ARPP21: variants seen among roughly 807,000 people sequenced by gnomAD.
ARPP21 encodes the protein cAMP regulated phosphoprotein 21, also known as cAMP-regulated phosphoprotein 21.
Under a neutral mutation model 113.2 loss-of-function variants are expected in ARPP21, and 69 were observed. The observed-to-expected ratio is 0.61, with a 90% CI of 0.50 to 0.74. The LOEUF is 0.74. Among genes scored for constraint, ARPP21 ranks in the 30% least tolerant of loss-of-function variants. ARPP21 has a pLI of 0.00. For synonymous variants in ARPP21, 368 were observed against 375.5 expected (o/e 0.98, Z 0.23); for missense variants, 1,070 against 1,037.4 (o/e 1.03, Z -0.43).
intron 11 of ARPP21, among the ~76,000 whole-genome samples, chr3:35,711,616 A>C (rs1219038988): frequency 6.6e-6 from 1 of 152,170 alleles, no homozygotes; most frequent in African/African-American, 2.4e-5. Context: ...TCTAGCTCAG[A>C]GTCTTACATG....
chr3:35,688,870 C>T (rs1342724820), intron 6 of ARPP21, among the ~76,000 whole-genome samples: 4 of 139,614 alleles, frequency 2.9e-5, no homozygotes, highest in African/African-American at 8.0e-5. Context: ...AGTCTCATAA[C>T]AGAACATTCA....
chr3:35,657,003 CA>C (rs893041642), intron 1 of ARPP21, among the ~76,000 whole-genome samples: 1 of 151,810 alleles, frequency 6.6e-6, no homozygotes, highest in Admixed American at 6.6e-5. Context: ...CCATTTTTTC[CA>C]GGCAGAGATC....
At chr3:35,739,220 C>T (rs2094524717) in intron 17 of ARPP21, 97 bp from the exon 18 acceptor site, 3 of 1,409,998 alleles carry the variant, frequency 2.1e-6, no homozygotes, top group Non-Finnish European at 2.9e-6. Flanking sequence ...CTGTCTCTCC[C>T]ACAACTCCAA....
At chr3:35,670,660 A>G (rs2076108001) in intron 1 of ARPP21, among the ~76,000 whole-genome samples, 1 of 152,060 alleles carries the variant, frequency 6.6e-6, no homozygotes, top group Admixed American at 6.6e-5. Flanking sequence ...CCTGCCACAA[A>G]CAAACACACG....
chr3:35,760,927 A>G (rs1449694497), intron 19 of ARPP21, among the ~76,000 whole-genome samples: 1 of 152,096 alleles, frequency 6.6e-6, no homozygotes, highest in African/African-American at 2.4e-5. Flanking sequence ...AAGACTACTC[A>G]GTTTTTGTGG....
intron 1 of ARPP21, among the ~76,000 whole-genome samples, chr3:35,673,366 C>A (rs767869420): frequency 3.6e-4 from 55 of 152,008 alleles, no homozygotes; most frequent in Admixed American, 7.2e-4. Context: ...CATTCTTTTG[C>A]GCCCCTAGAA....
intron 11 of ARPP21, among the ~76,000 whole-genome samples, chr3:35,710,912 T>C (rs149372423): frequency 4.6e-5 from 7 of 152,338 alleles, no homozygotes; most frequent in Non-Finnish European, 1.0e-4. Context: ...GGATCTGGGT[T>C]AAACATTTTA....
chr3:35,658,424 A>G (rs1471741907), intron 1 of ARPP21, among the ~76,000 whole-genome samples: 1 of 152,048 alleles, frequency 6.6e-6, no homozygotes, highest in Non-Finnish European at 1.5e-5. Context: ...CATGATACCT[A>G]TTATCTGCTT....
At chr3:35,743,503 A>G (rs1425437552) in intron 18 of ARPP21, among the ~76,000 whole-genome samples, 1 of 152,192 alleles carries the variant, frequency 6.6e-6, no homozygotes, top group Non-Finnish European at 1.5e-5. Flanking sequence ...CTGCAGCAGA[A>G]TAGTCTAGAC....
intron 19 of ARPP21, among the ~76,000 whole-genome samples, chr3:35,760,049 T>C (rs1266659734): frequency 1.3e-5 from 2 of 152,104 alleles, no homozygotes; most frequent in South Asian, 2.1e-4. Context: ...CTAGAAGGCA[T>C]ATATTAAGCA....
At chr3:35,707,594 A>G (rs1250002416) in intron 10 of ARPP21, 1 of 453,692 alleles carries the variant, frequency 2.2e-6, no homozygotes, top group Non-Finnish European at 4.5e-6. Context: ...CAGAGAAAAG[A>G]ATTGAGTTCA....
At chr3:35,722,744 T>C (rs1382701072) in intron 14 of ARPP21, among the ~76,000 whole-genome samples, 1 of 152,198 alleles carries the variant, frequency 6.6e-6, no homozygotes, top group Non-Finnish European at 1.5e-5. Context: ...GAAACAACTT[T>C]AAACTGATGG....
intron 19 of ARPP21, among the ~76,000 whole-genome samples, chr3:35,753,636 T>G (rs9810903): frequency 2.0e-5 from 3 of 152,042 alleles, no homozygotes; most frequent in African/African-American, 7.2e-5. Flanking sequence ...CTGTGGAACA[T>G]GTATATTTGA....
intron 19 of ARPP21, among the ~76,000 whole-genome samples, chr3:35,777,542 T>C (rs972031989): frequency 6.6e-6 from 1 of 152,220 alleles, no homozygotes; most frequent in Non-Finnish European, 1.5e-5. Context: ...ACCTTGAAGA[T>C]GATTGCTTTA....
At chr3:35,757,492 A>G (rs1251718672) in intron 19 of ARPP21, among the ~76,000 whole-genome samples, 1 of 152,108 alleles carries the variant, frequency 6.6e-6, no homozygotes, top group Non-Finnish European at 1.5e-5. Context: ...AGAACAATCC[A>G]ATGACAAAAA....
intron 19 of ARPP21, among the ~76,000 whole-genome samples, chr3:35,757,504 A>G (rs1316229829): frequency 2.6e-5 from 4 of 152,124 alleles, no homozygotes; most frequent in Non-Finnish European, 5.9e-5. Context: ...TGACAAAAAA[A>G]TAAATCCGAG....
intron 6 of ARPP21, among the ~76,000 whole-genome samples, chr3:35,688,757 GT>G (rs1166020607): frequency 2.0e-5 from 3 of 151,500 alleles, no homozygotes; most frequent in African/African-American, 7.3e-5. Flanking sequence ...AGAAGTTCAG[GT>G]TTCTAAAACA....
chr3:35,773,570 T>C (rs1264310042), intron 19 of ARPP21, among the ~76,000 whole-genome samples: 3 of 152,178 alleles, frequency 2.0e-5, no homozygotes, highest in African/African-American at 7.2e-5. Context: ...TCATGGATAG[T>C]AGGTATCAAA....
intron 9 of ARPP21, among the ~76,000 whole-genome samples, chr3:35,697,749 G>C (rs1191893272): frequency 6.6e-6 from 1 of 151,516 alleles, no homozygotes; most frequent in Non-Finnish European, 1.5e-5. Flanking sequence ...CTCGGTGTTT[G>C]GCCCTTAAGC....
Sources: allele counts gnomAD v4.1 joint callset (sites outside exome capture counted in the v4.1 genomes callset), GRCh38; gene constraint gnomAD v4.1.1; transcripts MANE v1.5; gene names NCBI Gene and HGNC (gene_info 2026-07-23, HGNC 2026-07-21).